Variants in ABCA8 observed in about 807,000 individuals in gnomAD.
ABCA8 encodes ABC-type organic anion transporter ABCA8.
In ABCA8, 177 loss-of-function variants were observed where a neutral mutation model predicts 192.3. The observed-to-expected ratio is 0.92, with a 90% confidence interval of 0.81 to 1.04. The LOEUF is 1.04. ABCA8 is among the 50% of genes least tolerant of loss of function. ABCA8 has a pLI of 0.00. For synonymous variants in ABCA8, 642 were observed against 690.2 expected (o/e 0.93, Z 1.09); for missense variants, 1,915 against 1,904.8 (o/e 1.01, Z -0.10).
At chr17:68,881,249 A>G in intron 31 of ABCA8, 38 bp from the exon 32 acceptor site, 1 of 1,375,384 alleles carries the variant, frequency 7.3e-7, no homozygotes, top group Non-Finnish European at 1.0e-6. Context: ...ATCTATTTTA[A>G]TGGTAACATT....
chr17:68,897,015 C>A (rs941830531), intron 21 of ABCA8, among the ~76,000 whole-genome samples: 1 of 152,174 alleles, frequency 6.6e-6, no homozygotes. Flanking sequence ...TTATGGATGG[C>A]CATTAGTTTG....
intron 32 of ABCA8, 195 bp from the exon 33 acceptor site, chr17:68,877,874 C>T (rs1460965081): frequency 4.1e-6 from 2 of 487,290 alleles, no homozygotes; most frequent in Non-Finnish European, 6.8e-6. Context: ...TGTCCACAGC[C>T]AACAATCCAA....
Position 68,877,683 on chromosome 17 carries a change from C to T in ABCA8, c.4039-4G>A. 1 of 1,607,880 alleles carries T rather than the reference C, an allele frequency of 6.2e-7. No homozygotes were observed. Among genetic ancestry groups the T allele is most frequent in the Middle Eastern group, 1.7e-4 (1 of 6,022 alleles). On this transcript the variant is annotated splice_region_variant and splice_polypyrimidine_tract_variant and intron_variant, in intron 32 of 39. Coordinates refer to ENST00000586539, the MANE Select transcript of ABCA8 (RefSeq NM_001288985.2). ...CACCGCTCCCTTTCAGTAGCACCTG[C>T]AGATGAAAGTTCCCTCTCAGAACCT...
At chr17:68,913,041 A>G (rs922155656) in intron 17 of ABCA8, among the ~76,000 whole-genome samples, 5 of 152,160 alleles carry the variant, frequency 3.3e-5, no homozygotes, top group Admixed American at 1.3e-4. Flanking sequence ...TTGAAATTAT[A>G]CCAAATAGCT....
At chr17:68,887,915 TA>T (rs1567830605) in intron 24 of ABCA8, among the ~76,000 whole-genome samples, 2,241 of 44,864 alleles carry the variant, frequency 0.05, 69 homozygotes, top group East Asian at 0.099. Flanking sequence ...TATCCATATA[TA>T]TATATATATT....
intron 17 of ABCA8, among the ~76,000 whole-genome samples, chr17:68,909,858 A>G (rs1377225277): frequency 2.0e-5 from 3 of 152,184 alleles, no homozygotes. Context: ...TTTCTTAAGT[A>G]TAGATGGTAT....
At chr17:68,944,359 T>TATATACATACAC (rs765731645) in intron 2 of ABCA8, among the ~76,000 whole-genome samples, 1 of 69,464 alleles carries the variant, frequency 1.4e-5, no homozygotes, top group Non-Finnish European at 2.9e-5. Flanking sequence ...TATATATATA[T>TATATACATACAC]ACACATATAC....
At chr17:68,909,819 T>C (rs1171490202) in intron 17 of ABCA8, among the ~76,000 whole-genome samples, 2 of 152,230 alleles carry the variant, frequency 1.3e-5, no homozygotes, top group East Asian at 1.9e-4. Flanking sequence ...CTATTTTCTT[T>C]GTATTGTTGT....
At chr17:68,906,010 C>T (rs946828099) in intron 19 of ABCA8, 34 bp downstream of exon 19, 3 of 1,523,644 alleles carry the variant, frequency 2.0e-6, no homozygotes, top group African/African-American at 2.8e-5. Flanking sequence ...GAAATATGTG[C>T]TTTTACATAA....
intron 5 of ABCA8, among the ~76,000 whole-genome samples, chr17:68,935,069 T>C (rs1007379154): frequency 4.0e-5 from 6 of 151,556 alleles, no homozygotes; most frequent in African/African-American, 1.2e-4. Flanking sequence ...TTTTCTGTTA[T>C]AAACACTTTA....
At chr17:68,904,705 C>A (rs2143503821) in intron 19 of ABCA8, among the ~76,000 whole-genome samples, 1 of 152,200 alleles carries the variant, frequency 6.6e-6, no homozygotes, top group Non-Finnish European at 1.5e-5. Context: ...GGAGCCTTTC[C>A]TAAGTGCATA....
chr17:68,932,611 A>G (rs2143706502), intron 6 of ABCA8, 97 bp from the exon 7 acceptor site: 2 of 916,020 alleles, frequency 2.2e-6, no homozygotes, highest in East Asian at 2.4e-5. Context: ...TGATTGGCCT[A>G]TTGGGATTTG....
intron 4 of ABCA8, among the ~76,000 whole-genome samples, chr17:68,939,270 A>G (rs1481576395): frequency 1.3e-5 from 2 of 152,140 alleles, no homozygotes; most frequent in Non-Finnish European, 1.5e-5. Flanking sequence ...TAAAGGACAT[A>G]TGTTGTTTTT....
At chr17:68,900,037 T>C (rs1598221673) in intron 21 of ABCA8, among the ~76,000 whole-genome samples, 2 of 152,226 alleles carry the variant, frequency 1.3e-5, no homozygotes, top group Admixed American at 1.3e-4. Context: ...ACTTCTGTGT[T>C]AAGACACTGA....
chr17:68,881,307 T>C (rs2066329283), intron 31 of ABCA8, 96 bp from the exon 32 acceptor site: 1 of 869,648 alleles, frequency 1.1e-6, no homozygotes, highest in Non-Finnish European at 1.8e-6. Context: ...GCATTTGCTA[T>C]TAGTTGTCAT....
At chr17:68,876,363 C>G in intron 35 of ABCA8, 97 bp downstream of exon 35, 5 of 1,465,466 alleles carry the variant, frequency 3.4e-6, no homozygotes, top group Non-Finnish European at 4.7e-6. Flanking sequence ...TTGTTCTCCA[C>G]AAAAGAGTTT....
intron 17 of ABCA8, among the ~76,000 whole-genome samples, chr17:68,912,095 T>A (rs1271149691): frequency 6.6e-6 from 1 of 152,024 alleles, no homozygotes; most frequent in Admixed American, 6.6e-5. Flanking sequence ...CAAAAAAACA[T>A]GACCTCACCA....
intron 7 of ABCA8, chr17:68,931,689 G>A (rs1236624996): frequency 6.8e-6 from 1 of 147,002 alleles, no homozygotes; most frequent in East Asian, 2.1e-4. Flanking sequence ...TTGGGTCAGA[G>A]ATTGTTAAAT....
chr17:68,915,967 T>C (rs2067348834), intron 17 of ABCA8, among the ~76,000 whole-genome samples: 1 of 152,194 alleles, frequency 6.6e-6, no homozygotes, highest in Admixed American at 6.5e-5. Context: ...GATACTGTCA[T>C]GTGCAACAAC....
Sources: gnomAD v4.1 joint callset for allele counts (sites outside exome capture counted in the v4.1 genomes callset) on GRCh38, gnomAD v4.1.1 for gene constraint, MANE v1.5 for transcripts, NCBI Gene and HGNC (gene_info 2026-07-23, HGNC 2026-07-21) for gene names.